Variants in WDR59 observed in about 807,000 individuals in gnomAD.
WDR59 encodes WD repeat domain 59, also known as GATOR2 complex protein WDR59.
In WDR59, 100 loss-of-function variants were observed where a neutral mutation model predicts 131.2. The observed-to-expected ratio is 0.76, with a 90% CI of 0.65 to 0.90. The LOEUF is 0.90. WDR59 is among the 40% of genes least tolerant of loss of function. The pLI is 0.00. For missense variants in WDR59, 1,203 were observed against 1,262.2 expected (o/e 0.95, Z 0.71); for synonymous variants, 601 against 466.2 (o/e 1.29, Z -3.72).
chr16:74,923,786 T>C (rs1597724203), intron 9 of WDR59, 140 bp downstream of exon 9: 5 of 757,234 alleles, frequency 6.6e-6, no homozygotes, highest in Middle Eastern at 2.8e-4. Flanking sequence ...GCTATCATTA[T>C]CACGTTTGTC....
rs1442598520 is a variant in WDR59 at position 74,951,446 on chromosome 16, G to A, written c.326+12C>T. On this transcript the variant is annotated intron_variant, in intron 4 of 25. Coordinates refer to ENST00000262144, the MANE Select transcript of WDR59 (RefSeq NM_030581.4). ...CAAGACAGCCAAAGAGCTGTGGAGGGCTGGTGCCTACCTGATGACACGAGT... is the reference window on the plus strand; with the variant it reads ...CAAGACAGCCAAAGAGCTGTGGAGGACTGGTGCCTACCTGATGACACGAGT... The A allele has an allele frequency of 6.3e-6, 10 of 1,587,616 alleles. No individual in the cohort carries two copies. The highest frequency in any genetic ancestry group is 3.5e-5 in the South Asian group (3 of 86,606).
Position 74,985,085 on chromosome 16 carries a change from A to C in WDR59, c.-68T>G, listed in dbSNP as rs1293482254. On this transcript the variant is annotated 5_prime_UTR_variant, in exon 1 of 26. Coordinates refer to ENST00000262144, the MANE Select transcript of WDR59 (RefSeq NM_030581.4). ...ACCCCGCCGTCCCCAGTATCCCGGG[A>C]CCGTGCGCCCCACACAGCCAGAGAA... 4 of 1,451,480 alleles carry C rather than the reference A, an allele frequency of 2.8e-6. No homozygotes were observed. Among genetic ancestry groups the C allele is most frequent in the Non-Finnish European group, 2.8e-6 (3 of 1,061,046 alleles). The allele number at this position is 1,451,480 out of a possible 1,614,324, so 89.9% of individuals were successfully genotyped here.
At chr16:74,917,015 T>G (rs1206878723) in intron 11 of WDR59, among the ~76,000 whole-genome samples, 1 of 152,130 alleles carries the variant, frequency 6.6e-6, no homozygotes, top group East Asian at 1.9e-4. Context: ...ATCCAGTATT[T>G]TCTATTCATT....
At position 74,976,727 on chromosome 16, in the gene WDR59, G is replaced by C. The variant is rs112888966; in HGVS notation, c.54+8237C>G. Among the ~76,000 whole-genome samples, 1,087 of 152,202 alleles carry C rather than the reference G, an allele frequency of 7.1e-3. 8 individuals carry two copies. The highest frequency in any genetic ancestry group is 0.025 in the African/African-American group (1,040 of 41,544). On this transcript the variant is annotated intron_variant, in intron 1 of 25. Coordinates refer to ENST00000262144, the MANE Select transcript of WDR59 (RefSeq NM_030581.4). Reference sequence around the variant, plus strand: ...AAGTGCTGGGATTACAGGTGTGAGCGACCAAGCCCGGCCTAAACATTTTTC... The same window carrying C: ...AAGTGCTGGGATTACAGGTGTGAGCCACCAAGCCCGGCCTAAACATTTTTC...
intron 8 of WDR59, among the ~76,000 whole-genome samples, chr16:74,926,275 C>T (rs2030806600): frequency 6.6e-6 from 1 of 152,094 alleles, no homozygotes; most frequent in African/African-American, 2.4e-5. Flanking sequence ...CCAGGCTGGT[C>T]TCGAACTCCT....
intron 18 of WDR59, among the ~76,000 whole-genome samples, chr16:74,895,597 T>C (rs950569438): frequency 2.0e-5 from 3 of 152,194 alleles, no homozygotes; most frequent in Non-Finnish European, 4.4e-5. Context: ...AGTGACTATT[T>C]ACCATTTATC....
chr16:74,952,072 G>A (rs1020803882), intron 3 of WDR59, among the ~76,000 whole-genome samples: 2 of 151,592 alleles, frequency 1.3e-5, no homozygotes, highest in African/African-American at 4.8e-5. Context: ...TTGCCTCAGA[G>A]TCTAGGATAG....
At chr16:74,946,127 C>G (rs557821178) in intron 6 of WDR59, among the ~76,000 whole-genome samples, 42 of 152,274 alleles carry the variant, frequency 2.8e-4, no homozygotes, top group Non-Finnish European at 2.6e-4. Context: ...TTCACATAAC[C>G]TTTATTGCGG....
intron 3 of WDR59, among the ~76,000 whole-genome samples, chr16:74,952,178 G>C (rs552607180): frequency 6.6e-6 from 1 of 151,804 alleles, no homozygotes; most frequent in Non-Finnish European, 1.5e-5. Context: ...AAAGAGGCTG[G>C]GCTTGGTGGC....
chr16:74,914,783 G>A (rs1050325132), intron 13 of WDR59, among the ~76,000 whole-genome samples: 4 of 151,910 alleles, frequency 2.6e-5, no homozygotes, highest in South Asian at 2.1e-4. Flanking sequence ...TAGTATAGAC[G>A]GGGTTTTACC....
chr16:74,970,585 T>C (rs533205201), intron 1 of WDR59, among the ~76,000 whole-genome samples: 1 of 150,024 alleles, frequency 6.7e-6, no homozygotes, highest in Non-Finnish European at 1.5e-5. Context: ...GCACTTTCTC[T>C]GCCCCTGCAT....
chr16:74,929,144 C>T (rs986078830), intron 8 of WDR59, among the ~76,000 whole-genome samples: 7 of 152,102 alleles, frequency 4.6e-5, no homozygotes, highest in South Asian at 4.1e-4. Context: ...GTACAATCTC[C>T]GCTCACGGCA....
chr16:74,956,309 G>A (rs184986240), intron 3 of WDR59, among the ~76,000 whole-genome samples, 166 bp downstream of exon 3: 7 of 152,208 alleles, frequency 4.6e-5, no homozygotes, highest in Admixed American at 3.9e-4. Context: ...GCATTCCCAC[G>A]TATATTTAAT....
chr16:74,904,403 G>T, intron 17 of WDR59: 3 of 232,694 alleles, frequency 1.3e-5, no homozygotes, highest in Non-Finnish European at 2.5e-5. Context: ...ACAAATATTT[G>T]GAAAATAAAT....
Position 74,984,963 on chromosome 16 carries a change from C to T in WDR59, c.54+1G>A. ...AGGGCTCCACTCGGCCTCTAGCTCA[C>T]CTGGGAGTCACGGAACTCTACAACC... On this transcript the variant is annotated splice_donor_variant, in intron 1 of 25. Coordinates refer to ENST00000262144, the MANE Select transcript of WDR59 (RefSeq NM_030581.4). LOFTEE classifies it high-confidence loss of function. The T allele has an allele frequency of 6.2e-7, 1 of 1,604,206 alleles. No individual in the cohort carries two copies. The highest frequency in any genetic ancestry group is 8.5e-7 in the Non-Finnish European group (1 of 1,175,680).
chr16:74,877,017 A>G (rs1964246897), intron 25 of WDR59, among the ~76,000 whole-genome samples: 1 of 151,966 alleles, frequency 6.6e-6, no homozygotes. Flanking sequence ...CTGGGGCTAC[A>G]CTAGATACAA....
intron 13 of WDR59, among the ~76,000 whole-genome samples, chr16:74,913,794 G>T (rs1436346642): frequency 6.6e-6 from 1 of 152,232 alleles, no homozygotes; most frequent in African/African-American, 2.4e-5. Context: ...AATAGGGAGT[G>T]ACTGCTCATG....
chr16:74,975,986 G>A (rs55996480), intron 1 of WDR59, among the ~76,000 whole-genome samples: 60,641 of 151,892 alleles, frequency 0.4, 14,471 homozygotes, highest in Non-Finnish European at 0.54. Context: ...CCCCCATCTC[G>A]ATGTTAAAAT....
intron 1 of WDR59, chr16:74,984,758 G>A (rs1461819395): frequency 3.7e-5 from 24 of 654,150 alleles, no homozygotes; most frequent in Non-Finnish European, 5.2e-5. Flanking sequence ...AGGGAGCCCC[G>A]AAACTCCGTC....
Sources: allele counts gnomAD v4.1 joint callset (sites outside exome capture counted in the v4.1 genomes callset), GRCh38; gene constraint gnomAD v4.1.1; transcripts MANE v1.5; gene names NCBI Gene and HGNC (gene_info 2026-07-23, HGNC 2026-07-21).